Variants in AOPEP observed in about 807,000 individuals in gnomAD.
The protein encoded by AOPEP is aminopeptidase O.
A neutral mutation model predicts 98.1 loss-of-function variants in AOPEP; 77 were observed. That is an observed-to-expected ratio of 0.78 (90% CI 0.65 to 0.95). The LOEUF is 0.95. AOPEP is among the 40% of genes least tolerant of loss of function. The pLI, the probability that AOPEP is intolerant of heterozygous loss-of-function variation, is 0.00. For missense variants in AOPEP, 1,024 were observed against 1,024.7 expected (o/e 1.00, Z 0.01); for synonymous variants, 346 against 365.3 (o/e 0.95, Z 0.60).
At chr9:94,892,831 A>G (rs1182170579) in intron 5 of AOPEP, among the ~76,000 whole-genome samples, 1 of 152,146 alleles carries the variant, frequency 6.6e-6, no homozygotes, top group East Asian at 1.9e-4. Context: ...CTCCTGCCTC[A>G]GCCTGTCAAG....
At chr9:94,904,924 C>T (rs911712279) in intron 5 of AOPEP, among the ~76,000 whole-genome samples, 4 of 152,194 alleles carry the variant, frequency 2.6e-5, no homozygotes, top group African/African-American at 9.6e-5. Context: ...GCTGATATAA[C>T]ATGAAATGAA....
At chr9:94,995,802 C>T (rs1564497269) in intron 11 of AOPEP, among the ~76,000 whole-genome samples, 1 of 152,216 alleles carries the variant, frequency 6.6e-6, no homozygotes, top group African/African-American at 2.4e-5. Flanking sequence ...TTAAATCCTG[C>T]ATATTAGGAG....
At chr9:95,015,712 TCATTGTC>T (rs2062922511) in intron 13 of AOPEP, among the ~76,000 whole-genome samples, 1 of 152,202 alleles carries the variant, frequency 6.6e-6, no homozygotes, top group African/African-American at 2.4e-5. Flanking sequence ...TTGGGTATTT[TCATTGTC>T]CATAAGCCCT....
intron 1 of AOPEP, among the ~76,000 whole-genome samples, chr9:94,751,475 C>T (rs1337347066): frequency 6.6e-6 from 1 of 152,144 alleles, no homozygotes; most frequent in Non-Finnish European, 1.5e-5. Flanking sequence ...GGGAATTTGA[C>T]TTAATTGGTG....
At chr9:94,832,977 A>G (rs372470666) in intron 5 of AOPEP, among the ~76,000 whole-genome samples, 2 of 145,864 alleles carry the variant, frequency 1.4e-5, no homozygotes, top group Non-Finnish European at 3.0e-5. Flanking sequence ...TCTGTTGCCC[A>G]GGCGGGAGTG....
rs556106166 is a variant in AOPEP at position 94,737,780 on chromosome 9, G to A, written c.-136+11029G>A. On this transcript the variant is annotated intron_variant, in intron 1 of 16. Transcript: ENST00000375315. ...CTTAAGAGTGAGGGAGAAGTCTCTGGTTGTGGTGAATATCCGTATTTGGTT... is the reference window on the plus strand; with the variant it reads ...CTTAAGAGTGAGGGAGAAGTCTCTGATTGTGGTGAATATCCGTATTTGGTT... 3.9e-5 allele frequency among the ~76,000 whole-genome samples: 6 copies of A among 152,312 alleles called. No homozygotes were observed. In the South Asian group the frequency reaches 1.2e-3, roughly 32 times the overall value.
chr9:94,906,632 C>T (rs980712868), intron 5 of AOPEP, among the ~76,000 whole-genome samples: 2 of 152,052 alleles, frequency 1.3e-5, no homozygotes, highest in African/African-American at 2.4e-5. Context: ...TGTGCCACTG[C>T]ACTCCAATCT....
intron 5 of AOPEP, among the ~76,000 whole-genome samples, chr9:94,891,908 A>G (rs2048922653): frequency 6.6e-6 from 1 of 152,130 alleles, no homozygotes; most frequent in South Asian, 2.1e-4. Flanking sequence ...GCTAGCAACA[A>G]TTTCTCTTAA....
intron 1 of AOPEP, among the ~76,000 whole-genome samples, chr9:94,730,614 G>A (rs1233225999): frequency 6.6e-6 from 1 of 152,152 alleles, no homozygotes; most frequent in Non-Finnish European, 1.5e-5. Context: ...CAAAATATAG[G>A]ATCTCTCTAT....
At chr9:94,802,902 A>C (rs1032540888) in intron 5 of AOPEP, among the ~76,000 whole-genome samples, 2 of 151,928 alleles carry the variant, frequency 1.3e-5, no homozygotes, top group African/African-American at 4.8e-5. Context: ...TGTTTTTCCA[A>C]ACTCTGGCTT....
the AOPEP span, among the ~76,000 whole-genome samples, chr9:95,135,862 C>G: frequency 6.6e-6 from 1 of 152,192 alleles, no homozygotes; most frequent in African/African-American, 2.4e-5. Context: ...TTCAAACACG[C>G]GTAATCATGC....
intron 14 of AOPEP, among the ~76,000 whole-genome samples, chr9:95,063,596 G>A (rs1055482793): frequency 1.3e-5 from 2 of 152,232 alleles, no homozygotes; most frequent in Admixed American, 1.3e-4. Flanking sequence ...AATCCGAAAG[G>A]CCCATGCTGC....
chr9:94,868,802 T>C (rs2045991186), intron 5 of AOPEP, among the ~76,000 whole-genome samples: 1 of 152,218 alleles, frequency 6.6e-6, no homozygotes, highest in African/African-American at 2.4e-5. Context: ...AATTTTCTAT[T>C]CTCATGTGTA....
intron 11 of AOPEP, among the ~76,000 whole-genome samples, chr9:94,992,932 C>T (rs1589194599): frequency 6.6e-6 from 1 of 152,142 alleles, no homozygotes; most frequent in Admixed American, 6.5e-5. Context: ...ATACTTTGTC[C>T]TGTATGGTGT....
intron 13 of AOPEP, among the ~76,000 whole-genome samples, chr9:95,013,061 G>T (rs1481108655): frequency 5.4e-5 from 8 of 148,012 alleles, no homozygotes; most frequent in Non-Finnish European, 8.9e-5. Flanking sequence ...CCTTATACTG[G>T]TCCCAACTGT....
the AOPEP span, chr9:95,107,026 A>C: frequency 1.9e-6 from 3 of 1,605,126 alleles, no homozygotes; most frequent in Non-Finnish European, 2.6e-6. Flanking sequence ...CGCCTGGAGC[A>C]GAAATGAGTA....
chr9:95,052,328 G>T (rs2066451551), intron 13 of AOPEP, among the ~76,000 whole-genome samples: 1 of 152,128 alleles, frequency 6.6e-6, no homozygotes, highest in African/African-American at 2.4e-5. Context: ...TCCTTTTATA[G>T]AAGTTAAAAT....
chr9:94,951,012 C>T (rs2058063341), intron 7 of AOPEP, among the ~76,000 whole-genome samples: 1 of 152,200 alleles, frequency 6.6e-6, no homozygotes, highest in Non-Finnish European at 1.5e-5. Flanking sequence ...TCCACATTGC[C>T]TCTGTGGTTG....
intron 3 of AOPEP, among the ~76,000 whole-genome samples, chr9:94,778,752 G>A (rs1842696591): frequency 6.6e-6 from 1 of 152,154 alleles, no homozygotes; most frequent in Non-Finnish European, 1.5e-5. Flanking sequence ...TTATGGCCAG[G>A]CGTGGTGGCT....
Sources: gnomAD v4.1 joint callset for allele counts (sites outside exome capture counted in the v4.1 genomes callset) on GRCh38, gnomAD v4.1.1 for gene constraint, MANE v1.5 for transcripts, NCBI Gene and HGNC (gene_info 2026-07-23, HGNC 2026-07-21) for gene names.